ZDHHC14: variants seen among roughly 807,000 people sequenced by gnomAD.
ZDHHC14 encodes the protein palmitoyltransferase ZDHHC14.
Under a neutral mutation model 47.7 loss-of-function variants are expected in ZDHHC14, and 16 were observed. The observed-to-expected ratio is 0.34, with a 90% CI of 0.23 to 0.51. The LOEUF (loss-of-function observed/expected upper bound fraction) is 0.51. ZDHHC14 is among the 20% of genes least tolerant of loss of function. The probability of loss-of-function intolerance (pLI) is 0.97; values close to 1 mark genes in which losing one functional copy is unlikely to be tolerated. For synonymous variants in ZDHHC14, 293 were observed against 278.9 expected, an observed-to-expected ratio of 1.05 and a Z score of -0.50; for missense variants, 515 against 662.5, an observed-to-expected ratio of 0.78 and a Z score of 2.44.
chr6:157,461,693 A>G (rs1259041484), intron 1 of ZDHHC14, among the ~76,000 whole-genome samples: 1 of 152,192 alleles, frequency 6.6e-6, no homozygotes, highest in East Asian at 1.9e-4. Context: ...TAAAAAGCAG[A>G]GGATGCCTGT....
chr6:157,391,475 C>A (rs1264751320), intron 1 of ZDHHC14, among the ~76,000 whole-genome samples: 2 of 152,206 alleles, frequency 1.3e-5, no homozygotes, highest in African/African-American at 4.8e-5. Flanking sequence ...TCTCTCTAGT[C>A]TCCTGCCCTA....
At chr6:157,567,141 CA>C (rs1161160306) in intron 2 of ZDHHC14, among the ~76,000 whole-genome samples, 4 of 152,076 alleles carry the variant, frequency 2.6e-5, no homozygotes, top group Non-Finnish European at 4.4e-5. Flanking sequence ...CGTGACCCAG[CA>C]TGCCTGGCCT....
At chr6:157,503,408 C>G (rs767629004) in intron 1 of ZDHHC14, among the ~76,000 whole-genome samples, 1 of 152,172 alleles carries the variant, frequency 6.6e-6, no homozygotes, top group Admixed American at 6.5e-5. Flanking sequence ...CTTACATCTC[C>G]GCTCCTGAAC....
At chr6:157,622,113 G>A (rs906252019) in intron 3 of ZDHHC14, among the ~76,000 whole-genome samples, 21 of 150,836 alleles carry the variant, frequency 1.4e-4, no homozygotes, top group African/African-American at 4.4e-4. Context: ...GTTCATGCCT[G>A]TAATCCCAGC....
chr6:157,517,236 G>A (rs1780724591), intron 1 of ZDHHC14, among the ~76,000 whole-genome samples: 1 of 152,110 alleles, frequency 6.6e-6, no homozygotes, highest in Admixed American at 6.5e-5. Flanking sequence ...TTTCCTAGTG[G>A]GAGTGGCTGC....
intron 2 of ZDHHC14, among the ~76,000 whole-genome samples, chr6:157,549,519 A>G (rs1289869617): frequency 1.3e-5 from 2 of 152,272 alleles, no homozygotes; most frequent in East Asian, 3.9e-4. Context: ...CCTAGAAAAA[A>G]ATGTAGCTTC....
intron 1 of ZDHHC14, among the ~76,000 whole-genome samples, chr6:157,399,707 C>G (rs942711893): frequency 6.6e-6 from 1 of 152,258 alleles, no homozygotes. Context: ...GCGCACATTC[C>G]TTTGCACATT....
Position 157,677,410 on chromosome 6 carries a change from C to A in ZDHHC14, c.*4288C>A, listed in dbSNP as rs547384924. On this transcript the variant is annotated 3_prime_UTR_variant, in exon 9 of 9. Coordinates refer to ENST00000359775, the MANE Select transcript of ZDHHC14 (RefSeq NM_024630.3). ...GTAAATCAGTAAATCCTCTGTCCAT[C>A]TGCCCATTGTCCATGGTCCTGATAA... The A allele has an allele frequency of 5.3e-5, 8 of 151,888 alleles. No homozygotes were observed. Among genetic ancestry groups the A allele is most frequent in the Non-Finnish European group, 8.8e-5 (6 of 67,978 alleles). The allele number at this position is 151,888 out of a possible 1,614,324, so 9.4% of individuals were successfully genotyped here. A position where few individuals can be genotyped will look rare whatever the true frequency, so the allele number is the denominator to read the frequency against.
At chr6:157,475,636 T>C (rs372825551) in intron 1 of ZDHHC14, among the ~76,000 whole-genome samples, 1 of 152,172 alleles carries the variant, frequency 6.6e-6, no homozygotes, top group African/African-American at 2.4e-5. Context: ...GTGAATGAGA[T>C]AGTTTTCTTG....
intron 3 of ZDHHC14, among the ~76,000 whole-genome samples, chr6:157,623,967 T>C (rs1785298819): frequency 6.6e-6 from 1 of 152,164 alleles, no homozygotes; most frequent in African/African-American, 2.4e-5. Context: ...AAGTGTTTGT[T>C]TAAAGAACTT....
chr6:157,475,695 T>G (rs975567566), intron 1 of ZDHHC14, among the ~76,000 whole-genome samples: 1 of 152,194 alleles, frequency 6.6e-6, no homozygotes, highest in African/African-American at 2.4e-5. Flanking sequence ...CAACACTGAT[T>G]GTTAGTATAT....
rs373321908 is a variant in ZDHHC14, at chr6:157,434,218, T to TTA, written c.245+51969_245+51970dup. Among the ~76,000 whole-genome samples the TTA allele has an allele frequency of 1.4e-3, 198 of 146,544 alleles. 1 individual carries two copies. The highest frequency in any genetic ancestry group is 3.2e-3 in the Admixed American group (48 of 14,800). ...TTTAGAGAGAAGCTAGCTTATAATT[T>TTA]TATATATATATATATATAATTCTTT... On this transcript the variant is annotated intron_variant, in intron 1 of 8. Transcript: ENST00000359775.
At chr6:157,528,273 G>A (rs1341165685) in intron 1 of ZDHHC14, among the ~76,000 whole-genome samples, 3 of 152,122 alleles carry the variant, frequency 2.0e-5, no homozygotes, top group African/African-American at 7.2e-5. Flanking sequence ...ATTTCAAAAT[G>A]AGCTGAACAG....
intron 1 of ZDHHC14, among the ~76,000 whole-genome samples, chr6:157,539,365 C>G (rs1176181018): frequency 6.6e-6 from 1 of 151,980 alleles, no homozygotes; most frequent in African/African-American, 2.4e-5. Context: ...GATCATACCA[C>G]TGCACTCCAG....
In ZDHHC14 at chr6:157,580,736, T is replaced by TGTGTGTG. The variant is rs372683275; in HGVS notation, c.407-12252_407-12251insGTGTGTG. Among the ~76,000 whole-genome samples the TGTGTGTG allele has an allele frequency of 4.5e-3, 618 of 138,296 alleles. 4 individuals carry two copies. The highest frequency in any genetic ancestry group is 9.8e-3 in the African/African-American group (378 of 38,444). The allele number at this position is 138,296 out of a possible 152,430, so 90.7% of individuals were successfully genotyped here. On this transcript the variant is annotated intron_variant, in intron 2 of 8. Transcript: ENST00000359775. ...TTTGTGTGTGTGTGTGTGTGTGTGT[T>TGTGTGTG]TTTTTCTTTGTATTTCTCTGGGGGT...
intron 5 of ZDHHC14, among the ~76,000 whole-genome samples, chr6:157,637,293 G>A (rs1177216621): frequency 6.6e-6 from 1 of 152,088 alleles, no homozygotes; most frequent in African/African-American, 2.4e-5. Context: ...GGCCACTCAG[G>A]GGTCTGGCCC....
chr6:157,662,059 A>C lies in ZDHHC14; in HGVS notation c.1068+8432A>C, dbSNP rs184533247. 4.5e-4 allele frequency among the ~76,000 whole-genome samples: 68 copies of C among 152,266 alleles called. 1 individual carries two copies. Among genetic ancestry groups the C allele is most frequent in the African/African-American group, 1.3e-3 (56 of 41,548 alleles). Reference sequence around the variant, plus strand: ...AACTTTGTGCATGGAGTAATGGAAGAGTTATTGTCCCCAGACATGGCACAC... The same window carrying C: ...AACTTTGTGCATGGAGTAATGGAAGCGTTATTGTCCCCAGACATGGCACAC... On this transcript the variant is annotated intron_variant, in intron 8 of 8. Transcript: ENST00000359775.
intron 1 of ZDHHC14, among the ~76,000 whole-genome samples, chr6:157,500,496 A>C (rs1039735788): frequency 6.6e-6 from 1 of 152,208 alleles, no homozygotes; most frequent in Admixed American, 6.5e-5. Flanking sequence ...AGAAGCTATC[A>C]TAAGATTTCA....
intron 1 of ZDHHC14, among the ~76,000 whole-genome samples, chr6:157,492,802 A>C (rs142908879): frequency 0.032 from 4,944 of 152,214 alleles, 128 homozygotes; most frequent in Non-Finnish European, 0.052. Context: ...ATTTTAGAAG[A>C]GACAGGCGTG....
Sources: allele counts gnomAD v4.1 joint callset (sites outside exome capture counted in the v4.1 genomes callset), GRCh38; gene constraint gnomAD v4.1.1; transcripts MANE v1.5; gene names NCBI Gene and HGNC (gene_info 2026-07-23, HGNC 2026-07-21).